DLGAP2: variants seen among roughly 807,000 people sequenced by gnomAD.
DLGAP2 encodes disks large-associated protein 2.
DLGAP2 carries 26 observed loss-of-function variants against 100.3 expected under a neutral mutation model. The observed-to-expected ratio is 0.26, with a 90% CI of 0.19 to 0.36. The LOEUF (loss-of-function observed/expected upper bound fraction) is 0.36, where lower values mean the gene tolerates loss of function less well. Ranked by LOEUF, DLGAP2 falls within the 10% of genes least tolerant of loss-of-function variation. The pLI is 1.00. For synonymous variants in DLGAP2, 886 were observed against 630.1 expected, an observed-to-expected ratio of 1.41 and a Z score of -6.08; for missense variants, 1,858 against 1,453.2, an observed-to-expected ratio of 1.28 and a Z score of -4.53.
intron 1 of DLGAP2, among the ~76,000 whole-genome samples, chr8:754,968 C>T (rs1820886747): frequency 6.6e-6 from 1 of 152,164 alleles, no homozygotes; most frequent in South Asian, 2.1e-4. Flanking sequence ...GGCTGAGTTT[C>T]TGGAAGCTTG....
At chr8:1,291,741 G>C (rs897111927) in intron 3 of DLGAP2, among the ~76,000 whole-genome samples, 3 of 152,014 alleles carry the variant, frequency 2.0e-5, no homozygotes, top group Admixed American at 6.6e-5. Flanking sequence ...GTGTGCTTTG[G>C]ACCCCAACAC....
intron 6 of DLGAP2, chr8:1,622,438 C>T (rs1312429088): frequency 1.3e-5 from 2 of 152,108 alleles, no homozygotes; most frequent in African/African-American, 4.8e-5. Flanking sequence ...GGTCAGAGGC[C>T]CTTTCAGGGG....
intron 2 of DLGAP2, among the ~76,000 whole-genome samples, chr8:1,182,254 T>C (rs890391622): frequency 4.6e-5 from 7 of 152,248 alleles, no homozygotes; most frequent in African/African-American, 1.7e-4. Context: ...GACTGCCATG[T>C]TCCTGTTTTG....
chr8:1,353,389 G>C (rs576609338), intron 3 of DLGAP2, among the ~76,000 whole-genome samples: 1 of 152,274 alleles, frequency 6.6e-6, no homozygotes, highest in Admixed American at 6.5e-5. Flanking sequence ...CAACCCTTCT[G>C]ATTTTTGCTT....
Position 1,501,406 on chromosome 8 carries a change from TCCGGGG to T in DLGAP2, c.152_157del (p.Gly51_Pro52del). On this transcript the variant is annotated inframe_deletion, in exon 4 of 15. Transcript: ENST00000637795. ...ACTTGGTCCAGCCGGGCATCAGCTT[TCCGGGG>T]CCGGCAGAGGAGGATCTAGGTAGAG... The T allele has an allele frequency of 3.3e-6, 5 of 1,535,706 alleles. No individual in the cohort carries two copies. Among genetic ancestry groups the T allele is most frequent in the Non-Finnish European group, 4.4e-6 (5 of 1,146,706 alleles).
chr8:925,876 A>G (rs1798803739), intron 2 of DLGAP2, among the ~76,000 whole-genome samples: 1 of 152,194 alleles, frequency 6.6e-6, no homozygotes, highest in African/African-American at 2.4e-5. Flanking sequence ...GGGGCGTTGC[A>G]TAATAAAATG....
intron 3 of DLGAP2, among the ~76,000 whole-genome samples, chr8:1,366,374 A>C (rs1023165687): frequency 2.0e-5 from 3 of 152,216 alleles, no homozygotes; most frequent in African/African-American, 7.2e-5. Flanking sequence ...CCAGGGACAG[A>C]GAACTGTCAT....
At chr8:949,584 G>A (rs1270386319) in intron 2 of DLGAP2, among the ~76,000 whole-genome samples, 1 of 152,212 alleles carries the variant, frequency 6.6e-6, no homozygotes, top group African/African-American at 2.4e-5. Flanking sequence ...GTGCCAGGGC[G>A]TGTGCTCCCC....
chr8:1,349,588 A>G lies in DLGAP2; in HGVS notation c.106+90705A>G, dbSNP rs7460513. Among the ~76,000 whole-genome samples the G allele has an allele frequency of 5.8e-5, 8 of 137,006 alleles. No homozygotes were observed. The East Asian group carries it at 9.2e-4, about 16-fold the overall frequency. 89.9% of individuals were successfully genotyped at this position (137,006 alleles called of 152,430 possible). ...TAGGAAGGGGTGTTTGAGGGAGACT[A>G]TCATGAGCCTCCTGCCCACATCCAC... On this transcript the variant is annotated intron_variant, in intron 3 of 14. Transcript: ENST00000637795.
At chr8:1,329,214 C>T (rs1026861565) in intron 3 of DLGAP2, among the ~76,000 whole-genome samples, 3 of 152,174 alleles carry the variant, frequency 2.0e-5, no homozygotes, top group African/African-American at 7.2e-5. Context: ...AAAACAATGT[C>T]TTTTAGTCAG....
intron 6 of DLGAP2, among the ~76,000 whole-genome samples, chr8:1,611,059 T>C (rs1796979017): frequency 1.4e-5 from 2 of 140,114 alleles, no homozygotes; most frequent in Non-Finnish European, 3.0e-5. Context: ...ATCATTCTGA[T>C]ACCAAAGCCG....
At chr8:878,319 C>G (rs1797722665) in intron 1 of DLGAP2, among the ~76,000 whole-genome samples, 1 of 152,166 alleles carries the variant, frequency 6.6e-6, no homozygotes, top group South Asian at 2.1e-4. Context: ...ATGGGACCCT[C>G]TGAATGTAAC....
chr8:1,430,499 T>C (rs959924664), intron 3 of DLGAP2, among the ~76,000 whole-genome samples: 4 of 152,170 alleles, frequency 2.6e-5, no homozygotes, highest in African/African-American at 9.7e-5. Flanking sequence ...GAAAGACTGA[T>C]GTTTGCAAAG....
intron 1 of DLGAP2, among the ~76,000 whole-genome samples, chr8:836,277 A>G (rs1038886610): frequency 1.3e-5 from 2 of 152,132 alleles, no homozygotes; most frequent in Non-Finnish European, 2.9e-5. Context: ...GTCCCCGTCC[A>G]TGTTCTTTCC....
At chr8:759,488 A>G (rs547546738) in intron 1 of DLGAP2, among the ~76,000 whole-genome samples, 2 of 149,420 alleles carry the variant, frequency 1.3e-5, no homozygotes, top group South Asian at 4.3e-4. Flanking sequence ...TCCGGAGTCC[A>G]CGGTTGACGT....
chr8:1,018,558 C>G (rs10102948), intron 2 of DLGAP2, among the ~76,000 whole-genome samples: 24,696 of 152,228 alleles, frequency 0.16, 2,565 homozygotes, highest in Non-Finnish European at 0.23. Context: ...GTCCTCCTGG[C>G]TCTGCCTGTG....
intron 8 of DLGAP2, among the ~76,000 whole-genome samples, chr8:1,665,602 A>C (rs1327210434): frequency 6.6e-6 from 1 of 152,196 alleles, no homozygotes; most frequent in African/African-American, 2.4e-5. Context: ...TTGATTTTTT[A>C]CTACCCCTAT....
At chr8:1,082,580 G>A (rs1167869644) in intron 2 of DLGAP2, among the ~76,000 whole-genome samples, 1 of 152,206 alleles carries the variant, frequency 6.6e-6, no homozygotes, top group Non-Finnish European at 1.5e-5. Context: ...TGTGAGCAGG[G>A]CTGGGCATGG....
chr8:1,547,349 A>C (rs938863781), intron 4 of DLGAP2, among the ~76,000 whole-genome samples: 1 of 151,754 alleles, frequency 6.6e-6, no homozygotes, highest in Non-Finnish European at 1.5e-5. Context: ...GCTCCCCTAA[A>C]AGTTGGTGGA....
Sources: allele counts gnomAD v4.1 joint callset (sites outside exome capture counted in the v4.1 genomes callset), GRCh38; gene constraint gnomAD v4.1.1; transcripts MANE v1.5; gene names NCBI Gene and HGNC (gene_info 2026-07-23, HGNC 2026-07-21).